XKR9: variants seen among roughly 807,000 people sequenced by gnomAD.
XKR9 encodes the protein XK related 9.
XKR9 carries 32 observed loss-of-function variants against 32.0 expected under a neutral mutation model. The ratio of observed to expected loss-of-function variants is 1.00; its 90% CI spans 0.76 to 1.34. XKR9 has a LOEUF of 1.34. Ranked by LOEUF, XKR9 falls within the 40% of genes most tolerant of loss-of-function variation. XKR9 has a pLI of 0.00. For missense variants in XKR9, 546 were observed against 429.7 expected (o/e 1.27, Z -2.39); for synonymous variants, 168 against 143.4 (o/e 1.17, Z -1.22).
chr8:70,744,881 C>T (rs1223144382), intron 2 of XKR9, among the ~76,000 whole-genome samples: 1 of 150,154 alleles, frequency 6.7e-6, no homozygotes, highest in Non-Finnish European at 1.5e-5. Flanking sequence ...GCTGGGATTA[C>T]AGGCATGAGT....
chr8:70,843,286 G>A, the XKR9 span, among the ~76,000 whole-genome samples: 1 of 152,234 alleles, frequency 6.6e-6, no homozygotes, highest in African/African-American at 2.4e-5. Context: ...GTTGATTAAT[G>A]TAAAGGTCTT....
the XKR9 span, among the ~76,000 whole-genome samples, chr8:70,833,713 TA>T: frequency 6.6e-6 from 1 of 152,186 alleles, no homozygotes; most frequent in Non-Finnish European, 1.5e-5. Context: ...CTGGCATCTA[TA>T]TTTTAAAAAT....
the XKR9 span, among the ~76,000 whole-genome samples, chr8:70,955,153 C>T: frequency 6.6e-6 from 1 of 152,150 alleles, no homozygotes; most frequent in African/African-American, 2.4e-5. Context: ...AGTTAACCTC[C>T]TTGGGTTTTA....
the XKR9 span, among the ~76,000 whole-genome samples, chr8:70,859,195 T>G: frequency 6.6e-6 from 1 of 152,010 alleles, no homozygotes; most frequent in Admixed American, 6.6e-5. Flanking sequence ...GTAAAAAATC[T>G]AAATAGATAT....
At chr8:70,778,820 G>A (rs36142266) in intron 2 of XKR9, among the ~76,000 whole-genome samples, 48,471 of 152,052 alleles carry the variant, frequency 0.32, 9,091 homozygotes, top group Non-Finnish European at 0.43. Flanking sequence ...CTTTGCTGAC[G>A]TTGCTTATCA....
At chr8:70,919,096 T>C in the XKR9 span, among the ~76,000 whole-genome samples, 1 of 152,016 alleles carries the variant, frequency 6.6e-6, no homozygotes, top group Non-Finnish European at 1.5e-5. Flanking sequence ...ATCTTTACAG[T>C]GGTAGCATGA....
the XKR9 span, among the ~76,000 whole-genome samples, chr8:71,015,899 A>G: frequency 6.6e-6 from 1 of 152,178 alleles, no homozygotes; most frequent in African/African-American, 2.4e-5. Context: ...TTACAATGAA[A>G]GGCTGACATC....
chr8:70,863,564 A>C, the XKR9 span, among the ~76,000 whole-genome samples: 1 of 152,228 alleles, frequency 6.6e-6, no homozygotes, highest in Non-Finnish European at 1.5e-5. Flanking sequence ...CTCTAAATGC[A>C]AAACTGTTGA....
At chr8:70,904,955 C>G in the XKR9 span, among the ~76,000 whole-genome samples, 2 of 152,206 alleles carry the variant, frequency 1.3e-5, no homozygotes, top group African/African-American at 2.4e-5. Context: ...GGCCCCCACT[C>G]TCTTCTGGCT....
the XKR9 span, among the ~76,000 whole-genome samples, chr8:70,832,988 G>A: frequency 2.0e-5 from 3 of 152,136 alleles, no homozygotes; most frequent in South Asian, 4.1e-4. Flanking sequence ...ATAAATGAGC[G>A]AGTTAATAAA....
the XKR9 span, among the ~76,000 whole-genome samples, chr8:71,040,029 G>C: frequency 6.6e-6 from 1 of 152,282 alleles, no homozygotes; most frequent in Non-Finnish European, 1.5e-5. Context: ...TGGGAAACTA[G>C]ACTTATCGGT....
the XKR9 span, among the ~76,000 whole-genome samples, chr8:70,881,946 A>G: frequency 2.0e-5 from 3 of 152,248 alleles, no homozygotes; most frequent in South Asian, 4.1e-4. Context: ...AAAAAGGATG[A>G]GTTCATGTCC....
At chr8:70,892,334 G>A in the XKR9 span, among the ~76,000 whole-genome samples, 1 of 151,890 alleles carries the variant, frequency 6.6e-6, no homozygotes, top group African/African-American at 2.4e-5. Flanking sequence ...TTGTTCTTTT[G>A]TTCCTGTTTT....
chr8:71,050,256 T>TATAG, the XKR9 span, among the ~76,000 whole-genome samples: 284 of 130,884 alleles, frequency 2.2e-3, 3 homozygotes, highest in African/African-American at 8.9e-3. Flanking sequence ...TATATATATA[T>TATAG]ATATAGATAG....
At chr8:70,936,280 G>A in the XKR9 span, among the ~76,000 whole-genome samples, 1 of 152,000 alleles carries the variant, frequency 6.6e-6, no homozygotes, top group Non-Finnish European at 1.5e-5. Context: ...CTTAGCAGAG[G>A]TCAAGTTGGC....
the XKR9 span, among the ~76,000 whole-genome samples, chr8:70,908,621 C>T: frequency 6.6e-6 from 1 of 152,122 alleles, no homozygotes. Context: ...TGTTACTATT[C>T]AATTATTCCA....
At chr8:70,747,351 T>C (rs1807073044) in intron 2 of XKR9, among the ~76,000 whole-genome samples, 1 of 152,234 alleles carries the variant, frequency 6.6e-6, no homozygotes, top group Non-Finnish European at 1.5e-5. Flanking sequence ...CCACAGGGGA[T>C]TGGGTCATGA....
the XKR9 span, among the ~76,000 whole-genome samples, chr8:70,920,256 A>T: frequency 6.6e-6 from 1 of 152,188 alleles, no homozygotes; most frequent in Admixed American, 6.5e-5. Flanking sequence ...CCTTCACAGC[A>T]TCTAAGAGTG....
chr8:70,741,170 A>G (rs528527532), intron 2 of XKR9, among the ~76,000 whole-genome samples: 1 of 152,326 alleles, frequency 6.6e-6, no homozygotes, highest in South Asian at 2.1e-4. Flanking sequence ...AGCCTGGGCA[A>G]TGGTGGGTGT....
Sources: gnomAD v4.1 joint callset for allele counts (sites outside exome capture counted in the v4.1 genomes callset) on GRCh38, gnomAD v4.1.1 for gene constraint, MANE v1.5 for transcripts, NCBI Gene and HGNC (gene_info 2026-07-23, HGNC 2026-07-21) for gene names.